SF3B1: variants seen among roughly 807,000 people sequenced by gnomAD.
The protein encoded by SF3B1 is splicing factor 3b subunit 1, also known as pre-mRNA processing 10.
SF3B1 carries 12 observed loss-of-function variants against 153.8 expected under a neutral mutation model. The ratio of observed to expected loss-of-function variants is 0.08; its 90% confidence interval spans 0.05 to 0.13. The LOEUF (loss-of-function observed/expected upper bound fraction) is 0.13, where lower values mean the gene tolerates loss of function less well. Among genes scored for constraint, SF3B1 ranks in the 10% least tolerant of loss-of-function variants. The probability of loss-of-function intolerance (pLI) is 1.00; values close to 1 mark genes in which losing one functional copy is unlikely to be tolerated. For missense variants in SF3B1, 513 were observed against 1,606.1 expected (o/e 0.32, Z 11.63); for synonymous variants, 498 against 525.2 (o/e 0.95, Z 0.71).
rs986649957 is a variant in SF3B1, at chr2:197,399,996, AAAAAAG to A, written c.3013+53_3013+58del. 2.1e-5 allele frequency: 26 copies of A among 1,230,270 alleles called. No homozygotes were observed. The Admixed American group carries it at 5.5e-4, about 26-fold the overall frequency. 76.2% of individuals were successfully genotyped at this position (1,230,270 alleles called of 1,614,324 possible). ...CTAAATAAGATTTTACTTACGAAAA[AAAAAAG>A]AAAAAGAAAGTTAAAACAAGAAAAA... On this transcript the variant is annotated intron_variant, in intron 20 of 24. Coordinates refer to ENST00000335508, the MANE Select transcript of SF3B1 (RefSeq NM_012433.4).
intron 1 of SF3B1, among the ~76,000 whole-genome samples, chr2:197,428,615 T>C (rs1230815670): frequency 6.6e-6 from 1 of 152,158 alleles, no homozygotes; most frequent in Non-Finnish European, 1.5e-5. Flanking sequence ...GGCAACTGGC[T>C]GAGCGCGGTG....
intron 1 of SF3B1, 77 bp from the exon 2 acceptor site, chr2:197,424,051 TAATTATCAA>T: frequency 8.2e-7 from 1 of 1,218,870 alleles, no homozygotes; most frequent in Admixed American, 2.4e-5. Context: ...CTTTACTAGG[TAATTATCAA>T]AATACTCTCT....
chr2:197,432,929 A>G (rs1040172050), intron 1 of SF3B1, among the ~76,000 whole-genome samples: 1 of 152,236 alleles, frequency 6.6e-6, no homozygotes, highest in Non-Finnish European at 1.5e-5. Context: ...ATAAATAAAT[A>G]GTTATCAGTT....
rs2105986285 is a variant in SF3B1, at chr2:197,402,505, C to A, written c.2077+51G>T. 3.3e-6 allele frequency: 5 copies of A among 1,532,632 alleles called. No individual in the cohort carries two copies. Among genetic ancestry groups the A allele is most frequent in the Non-Finnish European group, 4.5e-6 (5 of 1,122,950 alleles). The allele number at this position is 1,532,632 out of a possible 1,614,324, so 94.9% of individuals were successfully genotyped here. Reference sequence around the variant, plus strand: ...GTCCAGTCTGGGCAACATAGTAAGACCCTGTCTCCTAAAGAAAAAAAAAAA... The same window carrying A: ...GTCCAGTCTGGGCAACATAGTAAGAACCTGTCTCCTAAAGAAAAAAAAAAA... On this transcript the variant is annotated intron_variant, in intron 14 of 24. Coordinates refer to ENST00000335508, the MANE Select transcript of SF3B1 (RefSeq NM_012433.4). This position sits in a 1 kb window ranked among gnomAD's most constrained non-coding sequence, Gnocchi z 4.6.
At chr2:197,430,694 T>A (rs2085414719) in intron 1 of SF3B1, among the ~76,000 whole-genome samples, 1 of 152,202 alleles carries the variant, frequency 6.6e-6, no homozygotes, top group Non-Finnish European at 1.5e-5. Context: ...CCTCTGGTGA[T>A]CCATCCACAT....
In SF3B1 at chr2:197,401,642, G is replaced by A; in HGVS notation, c.2370+100C>T. On this transcript the variant is annotated intron_variant, in intron 16 of 24. Coordinates refer to ENST00000335508, the MANE Select transcript of SF3B1 (RefSeq NM_012433.4). The surrounding 1 kb of genome is among the most constrained non-coding windows in gnomAD (Gnocchi z 4.2). The stretch of plus-strand genomic sequence containing the variant: ...TAAAAACAAATCAAACAGTATTCGT[G>A]TAACATACAGTTTTTTTTGTTGATT... 1 of 1,467,664 alleles carries A rather than the reference G, an allele frequency of 6.8e-7. No individual in the cohort carries two copies. Among genetic ancestry groups the A allele is most frequent in the South Asian group, 1.2e-5 (1 of 81,212 alleles). The allele number at this position is 1,467,664 out of a possible 1,614,324, so 90.9% of individuals were successfully genotyped here. A position where few individuals can be genotyped will look rare whatever the true frequency, so the allele number is the denominator to read the frequency against.
chr2:197,404,882 TAAAAATATA>T lies in SF3B1; in HGVS notation c.1539+185_1539+193del, dbSNP rs2084973573. The stretch of plus-strand genomic sequence containing the variant: ...CTGGTGAAAAAATTAAAAACATTTT[TAAAAATATA>T]AACATGGCCAGGTGCAGAGCCTCAC... On this transcript the variant is annotated intron_variant, in intron 11 of 24. Coordinates refer to ENST00000335508, the MANE Select transcript of SF3B1 (RefSeq NM_012433.4). 8.8e-6 allele frequency: 4 copies of T among 456,782 alleles called. No homozygotes were observed. In the South Asian group the frequency reaches 1.3e-4, roughly 15 times the overall value. The allele number at this position is 456,782 out of a possible 1,614,324, so 28.3% of individuals were successfully genotyped here.
At chr2:197,398,619 T>C (rs753534002) in intron 20 of SF3B1, 38 bp from the exon 21 acceptor site, 166 of 1,593,960 alleles carry the variant, frequency 1.0e-4, no homozygotes, top group Non-Finnish European at 1.4e-4. Flanking sequence ...AACATTTGAA[T>C]TGCAACTTTT....
intron 6 of SF3B1, among the ~76,000 whole-genome samples, chr2:197,410,461 G>C (rs1163069808): frequency 1.4e-5 from 2 of 147,900 alleles, no homozygotes; most frequent in East Asian, 4.0e-4. Context: ...TTAATTGTGT[G>C]TGTTTAATTA....
intron 2 of SF3B1, among the ~76,000 whole-genome samples, chr2:197,422,843 T>A (rs367967056): frequency 6.6e-6 from 1 of 151,750 alleles, no homozygotes; most frequent in Non-Finnish European, 1.5e-5. Flanking sequence ...TAAGCCAAGA[T>A]TGCACCACTG....
intron 6 of SF3B1, among the ~76,000 whole-genome samples, chr2:197,411,924 C>T (rs1310259087): frequency 6.6e-6 from 1 of 151,718 alleles, no homozygotes; most frequent in African/African-American, 2.4e-5. Context: ...GGCAAAAGCC[C>T]ATCTCTACTA....
chr2:197,421,214 G>A (rs2085236937), intron 2 of SF3B1, 81 bp from the exon 3 acceptor site: 1 of 887,916 alleles, frequency 1.1e-6, no homozygotes. Context: ...GATTCAAAAT[G>A]AAATCAAAAG....
At position 197,400,022 on chromosome 2, in the gene SF3B1, GAA is replaced by G. The variant is rs754545948; in HGVS notation, c.3013+31_3013+32del. ...AAAAAGAAAAAGAAAGTTAAAACAA[GAA>G]AAAGTCTTATGTAACCAGCAAATTC... On this transcript the variant is annotated intron_variant, in intron 20 of 24. Transcript: ENST00000335508. This position sits in a 1 kb window ranked among gnomAD's most constrained non-coding sequence, Gnocchi z 5.0. 6.7e-6 allele frequency: 9 copies of G among 1,349,518 alleles called. No homozygotes were observed. The African/African-American group carries it at 1.3e-4, about 20-fold the overall frequency. The allele number at this position is 1,349,518 out of a possible 1,614,324, so 83.6% of individuals were successfully genotyped here. A position where few individuals can be genotyped will look rare whatever the true frequency, so the allele number is the denominator to read the frequency against.
At chr2:197,394,831 G>GGA (rs1559263199) in intron 23 of SF3B1, among the ~76,000 whole-genome samples, 1 of 152,088 alleles carries the variant, frequency 6.6e-6, no homozygotes, top group Non-Finnish European at 1.5e-5. Context: ...CTTGAACCTG[G>GGA]GAGGCAGAGG....
intron 6 of SF3B1, among the ~76,000 whole-genome samples, chr2:197,414,370 TG>T (rs1328520582): frequency 6.6e-6 from 1 of 151,904 alleles, no homozygotes; most frequent in African/African-American, 2.4e-5. Flanking sequence ...TGAGCACAGA[TG>T]GAAAAGAATC....
chr2:197,414,242 A>C (rs753470026), intron 6 of SF3B1, among the ~76,000 whole-genome samples: 8 of 152,238 alleles, frequency 5.3e-5, no homozygotes, highest in South Asian at 2.1e-4. Context: ...CAGCCAAATA[A>C]ATACGTCAAG....
At chr2:197,398,434 A>C (rs756578247) in intron 21 of SF3B1, 27 bp downstream of exon 21, 1 of 1,610,546 alleles carries the variant, frequency 6.2e-7, no homozygotes, top group South Asian at 1.1e-5. Context: ...GATACTGCTT[A>C]TAAAAATGTG....
intron 1 of SF3B1, among the ~76,000 whole-genome samples, chr2:197,430,021 G>A (rs1486029791): frequency 6.6e-6 from 1 of 152,026 alleles, no homozygotes; most frequent in Non-Finnish European, 1.5e-5. Context: ...AACAAATGAA[G>A]TGCAAGGAAA....
Position 197,423,932 on chromosome 2 carries a change from G to A in SF3B1, c.71C>T (p.Ala24Val), listed in dbSNP as rs1448749134. Residue 24 changes from alanine to valine, a missense_variant, in exon 2 of 25, where the codon GCT (alanine) becomes GTT (valine). Coordinates refer to ENST00000335508, the MANE Select transcript of SF3B1 (RefSeq NM_012433.4). ...QIREIQGKKAALDEAQGVGLD... is the reference protein window; with the variant it reads ...QIREIQGKKAVLDEAQGVGLD... The stretch of plus-strand genomic sequence containing the variant: ...GCCCACTCCTTGAGCTTCATCAAGA[G>A]CTGCCTTCTTGCCTTGAATTTCTCG... 4 of 1,611,250 alleles carry A rather than the reference G, an allele frequency of 2.5e-6. No individual in the cohort carries two copies. The highest frequency in any genetic ancestry group is 2.2e-5 in the South Asian group (2 of 90,074).
Sources: allele counts gnomAD v4.1 joint callset (sites outside exome capture counted in the v4.1 genomes callset), GRCh38; gene constraint gnomAD v4.1.1; non-coding constraint Gnocchi (gnomAD v3.1); transcripts MANE v1.5; gene names NCBI Gene and HGNC (gene_info 2026-07-23, HGNC 2026-07-21).